The following PCP4L1 variants were observed in gnomAD, a reference collection of about 807,000 sequenced individuals.
PCP4L1 encodes the protein Purkinje cell protein 4-like protein 1.
Under a neutral mutation model 9.6 loss-of-function variants are expected in PCP4L1, and 9 were observed. The ratio of observed to expected loss-of-function variants is 0.94; its 90% CI spans 0.57 to 1.64. PCP4L1 has a LOEUF of 1.64. PCP4L1 is among the 40% of genes most tolerant of loss of function. The pLI, the probability that PCP4L1 is intolerant of heterozygous loss-of-function variation, is 0.00. For synonymous variants in PCP4L1, 31 were observed against 28.2 expected (o/e 1.10, Z -0.31); for missense variants, 81 against 80.8 (o/e 1.00, Z -0.01).
chr1:161,269,276 C>T (rs550480824), intron 1 of PCP4L1, among the ~76,000 whole-genome samples: 1 of 152,072 alleles, frequency 6.6e-6, no homozygotes, highest in African/African-American at 2.4e-5. Flanking sequence ...TAAGACATTA[C>T]CTGTACCTGT....
chr1:161,282,520 C>T (rs1215491713), intron 1 of PCP4L1, among the ~76,000 whole-genome samples: 1 of 152,118 alleles, frequency 6.6e-6, no homozygotes, highest in African/African-American at 2.4e-5. Flanking sequence ...TCTTGGTGAT[C>T]CCATTCAGTC....
At chr1:161,277,365 G>T (rs997360718) in intron 1 of PCP4L1, among the ~76,000 whole-genome samples, 14 of 152,198 alleles carry the variant, frequency 9.2e-5, no homozygotes, top group Admixed American at 7.9e-4. Context: ...TATGGAGTCG[G>T]TCTACCTGGG....
At position 161,284,612 on chromosome 1, in the gene PCP4L1, A is replaced by G. The variant is rs1449904793; in HGVS notation, c.*131A>G. On this transcript the variant is annotated 3_prime_UTR_variant, in exon 3 of 3. Transcript: ENST00000504449. The stretch of plus-strand genomic sequence containing the variant: ...AAGTTCAACCTTTATATACTCTTGT[A>G]TCTGGCCCCCTCAAGCCATCACAGA... 5 of 1,245,622 alleles carry G rather than the reference A, an allele frequency of 4.0e-6. No individual in the cohort carries two copies. In the South Asian group the frequency reaches 4.7e-5, roughly 12 times the overall value. The allele number at this position is 1,245,622 out of a possible 1,614,324, so 77.2% of individuals were successfully genotyped here. A position where few individuals can be genotyped will look rare whatever the true frequency, so the allele number is the denominator to read the frequency against.
At position 161,284,712 on chromosome 1, in the gene PCP4L1, T is replaced by C; in HGVS notation, c.*231T>C. 1.7e-6 allele frequency: 1 copy of C among 590,516 alleles called. No homozygotes were observed. The highest frequency in any genetic ancestry group is 3.0e-6 in the Non-Finnish European group (1 of 336,846). The allele number at this position is 590,516 out of a possible 1,614,324, so 36.6% of individuals were successfully genotyped here. A position where few individuals can be genotyped will look rare whatever the true frequency, so the allele number is the denominator to read the frequency against. ...ACTAGTCTAAGGGTGGAACAATTTC[T>C]TCTTGGTATAAGGTTCTTTGATCAG... On this transcript the variant is annotated 3_prime_UTR_variant, in exon 3 of 3. Coordinates refer to ENST00000504449, the MANE Select transcript of PCP4L1 (RefSeq NM_001102566.2).
chr1:161,280,644 C>T (rs1171575686), intron 1 of PCP4L1, among the ~76,000 whole-genome samples: 1 of 152,130 alleles, frequency 6.6e-6, no homozygotes, highest in Non-Finnish European at 1.5e-5. Context: ...CAGTGATCTC[C>T]CCATAGCAAA....
intron 1 of PCP4L1, 41 bp downstream of exon 1, chr1:161,259,024 C>A: frequency 6.6e-7 from 1 of 1,524,430 alleles, no homozygotes; most frequent in Non-Finnish European, 8.8e-7. Flanking sequence ...AGGGCTGCGG[C>A]GGGGAGGGTG....
At chr1:161,260,898 C>T (rs919246049) in intron 1 of PCP4L1, among the ~76,000 whole-genome samples, 1 of 152,166 alleles carries the variant, frequency 6.6e-6, no homozygotes, top group African/African-American at 2.4e-5. Context: ...TAATACAGAG[C>T]TGAGCCTGGT....
chr1:161,260,827 C>G (rs141603732), intron 1 of PCP4L1, among the ~76,000 whole-genome samples: 23 of 152,256 alleles, frequency 1.5e-4, no homozygotes, highest in Admixed American at 2.6e-4. Context: ...GTCTGCCCAG[C>G]CTCCTAGGCT....
chr1:161,259,355 T>C (rs1669381130), intron 1 of PCP4L1, among the ~76,000 whole-genome samples: 1 of 152,082 alleles, frequency 6.6e-6, no homozygotes, highest in Admixed American at 6.5e-5. Flanking sequence ...TTCTGTCCTC[T>C]CTCTCCTAGG....
chr1:161,262,204 G>A (rs796540024), intron 1 of PCP4L1, among the ~76,000 whole-genome samples: 24 of 152,256 alleles, frequency 1.6e-4, no homozygotes, highest in African/African-American at 5.8e-4. Flanking sequence ...GGAGGCCAAG[G>A]TGGGTGGATC....
chr1:161,269,849 A>G (rs1669592421), intron 1 of PCP4L1, among the ~76,000 whole-genome samples: 1 of 152,048 alleles, frequency 6.6e-6, no homozygotes, highest in African/African-American at 2.4e-5. Flanking sequence ...AAATACAAAT[A>G]TTAGCCGGGT....
At chr1:161,265,732 CTTTTT>C (rs869123262) in intron 1 of PCP4L1, among the ~76,000 whole-genome samples, 106 of 76,692 alleles carry the variant, frequency 1.4e-3, no homozygotes, top group African/African-American at 2.9e-3. Flanking sequence ...TCCAAAACCA[CTTTTT>C]TTTTTTTTTT....
At chr1:161,263,614 C>A (rs1236596587) in intron 1 of PCP4L1, among the ~76,000 whole-genome samples, 1 of 145,920 alleles carries the variant, frequency 6.9e-6, no homozygotes, top group Non-Finnish European at 1.5e-5. Flanking sequence ...GAGACAATAT[C>A]TCTGTCACCC....
chr1:161,272,517 C>T (rs898747569), intron 1 of PCP4L1, among the ~76,000 whole-genome samples: 4 of 147,050 alleles, frequency 2.7e-5, no homozygotes, highest in African/African-American at 1.0e-4. Context: ...GAGATCGTGC[C>T]ACTGCACTCC....
At position 161,258,810 on chromosome 1, in the gene PCP4L1, G is replaced by C. The variant is rs531499756; in HGVS notation, c.-165G>C. 3.8e-4 allele frequency: 419 copies of C among 1,097,916 alleles called. No individual in the cohort carries two copies. Among genetic ancestry groups the C allele is most frequent in the Non-Finnish European group, 5.2e-4 (393 of 758,928 alleles). 68.0% of individuals were successfully genotyped at this position (1,097,916 alleles called of 1,614,324 possible). On this transcript the variant is annotated 5_prime_UTR_variant, in exon 1 of 3. Transcript: ENST00000504449. ...CGGAGCTGGGCTCCGAGAATCCCGG[G>C]TGCCAGCACCAGAGCAGCGGCTCTC...
At chr1:161,272,417 G>A (rs965769700) in intron 1 of PCP4L1, among the ~76,000 whole-genome samples, 2 of 151,828 alleles carry the variant, frequency 1.3e-5, no homozygotes, top group Admixed American at 1.3e-4. Flanking sequence ...AATTAGCCAG[G>A]CATGGTGGTG....
At chr1:161,266,155 G>C (rs980987821) in intron 1 of PCP4L1, among the ~76,000 whole-genome samples, 1 of 152,024 alleles carries the variant, frequency 6.6e-6, no homozygotes, top group Admixed American at 6.6e-5. Flanking sequence ...TTCCCTCCAG[G>C]CTTATTCCCG....
rs1669365515 is a variant in PCP4L1 at position 161,258,851 on chromosome 1, C to T, written c.-124C>T. ...AGCGGCTCTCCGCACTAACTCTCCT[C>T]TCCTGGTCAGCTGTAACCCCTGCCG... On this transcript the variant is annotated 5_prime_UTR_variant, in exon 1 of 3. Coordinates refer to ENST00000504449, the MANE Select transcript of PCP4L1 (RefSeq NM_001102566.2). 4.2e-6 allele frequency: 6 copies of T among 1,419,088 alleles called. No individual in the cohort carries two copies. The highest frequency in any genetic ancestry group is 5.8e-6 in the Non-Finnish European group (6 of 1,041,786). 87.9% of individuals were successfully genotyped at this position (1,419,088 alleles called of 1,614,324 possible).
intron 1 of PCP4L1, among the ~76,000 whole-genome samples, chr1:161,263,237 GT>G (rs1248882818): frequency 6.6e-6 from 1 of 151,778 alleles, no homozygotes. Context: ...TTTTGTTTTT[GT>G]TTTTGTTTTT....
Sources: gnomAD v4.1 joint callset for allele counts (sites outside exome capture counted in the v4.1 genomes callset) on GRCh38, gnomAD v4.1.1 for gene constraint, MANE v1.5 for transcripts, NCBI Gene and HGNC (gene_info 2026-07-23, HGNC 2026-07-21) for gene names.